PTPRD: variants seen among roughly 807,000 people sequenced by gnomAD.
PTPRD encodes the protein protein tyrosine phosphatase receptor type D.
PTPRD carries 34 observed loss-of-function variants against 214.5 expected under a neutral mutation model. The observed-to-expected ratio is 0.16, with a 90% confidence interval of 0.12 to 0.21. The LOEUF (loss-of-function observed/expected upper bound fraction) is 0.21. PTPRD is among the 10% of genes least tolerant of loss of function. The pLI is 1.00. For missense variants in PTPRD, 2,545 were observed against 2,398.7 expected (o/e 1.06, Z -1.27); for synonymous variants, 1,128 against 845.7 (o/e 1.33, Z -5.79).
chr9:10,066,141 T>C lies in PTPRD; in HGVS notation c.-544-32351A>G, dbSNP rs181633721. Among the ~76,000 whole-genome samples the C allele has an allele frequency of 3.0e-3, 449 of 151,952 alleles. 2 individuals carry two copies. Among genetic ancestry groups the C allele is most frequent in the Non-Finnish European group, 5.2e-3 (350 of 67,896 alleles). ...TGGTCTTTTTGCCAATTCTGCAGGA[T>C]ACTTTTTTTTTATTTTTAAGGCAAC... On this transcript the variant is annotated intron_variant, in intron 3 of 45. Coordinates refer to ENST00000381196, the MANE Select transcript of PTPRD (RefSeq NM_002839.4).
intron 6 of PTPRD, among the ~76,000 whole-genome samples, chr9:9,740,716 T>C (rs980342046): frequency 5.0e-4 from 76 of 152,158 alleles, no homozygotes; most frequent in African/African-American, 1.8e-3. Context: ...AATAGAACCA[T>C]ACCAGTATTT....
intron 8 of PTPRD, among the ~76,000 whole-genome samples, chr9:9,496,610 G>C (rs1384929784): frequency 1.3e-5 from 2 of 152,156 alleles, no homozygotes; most frequent in East Asian, 3.8e-4. Context: ...ACAAGTGTTG[G>C]TGATGATGTG....
chr9:9,408,686 T>C (rs933404684), intron 8 of PTPRD, among the ~76,000 whole-genome samples: 1 of 151,874 alleles, frequency 6.6e-6, no homozygotes, highest in African/African-American at 2.4e-5. Context: ...AGACAGAACA[T>C]TGTTTGAAAA....
At chr9:8,853,648 A>C (rs910840399) in intron 11 of PTPRD, among the ~76,000 whole-genome samples, 4 of 152,244 alleles carry the variant, frequency 2.6e-5, no homozygotes, top group African/African-American at 9.6e-5. Flanking sequence ...CCTTCTAAGC[A>C]ATCTTCTTCC....
At chr9:9,353,979 G>A (rs1323103797) in intron 9 of PTPRD, among the ~76,000 whole-genome samples, 1 of 151,486 alleles carries the variant, frequency 6.6e-6, no homozygotes, top group Admixed American at 6.6e-5. Flanking sequence ...AATGACTGCG[G>A]TCACTCTTTC....
At chr9:9,719,284 A>T (rs2097892071) in intron 7 of PTPRD, among the ~76,000 whole-genome samples, 1 of 152,126 alleles carries the variant, frequency 6.6e-6, no homozygotes, top group African/African-American at 2.4e-5. Context: ...TTCAACCTCC[A>T]GTTGTCCACA....
At chr9:10,592,847 C>A (rs143300427) in intron 2 of PTPRD, among the ~76,000 whole-genome samples, 1 of 151,878 alleles carries the variant, frequency 6.6e-6, no homozygotes, top group Non-Finnish European at 1.5e-5. Context: ...AGGACAGAAA[C>A]GGAACATGGG....
intron 11 of PTPRD, among the ~76,000 whole-genome samples, chr9:8,943,390 C>T (rs1011553049): frequency 2.0e-5 from 3 of 151,744 alleles, no homozygotes; most frequent in South Asian, 4.1e-4. Context: ...CAGAGCTATA[C>T]TAGCCAAAAC....
At chr9:10,019,650 C>T (rs187644049) in intron 4 of PTPRD, among the ~76,000 whole-genome samples, 6 of 152,188 alleles carry the variant, frequency 3.9e-5, no homozygotes, top group East Asian at 3.9e-4. Context: ...AGCTGGAAAC[C>T]GTCATTCTCA....
In PTPRD at chr9:8,378,022, T is replaced by C. The variant is rs1303359432; in HGVS notation, c.4387-1296A>G. The stretch of plus-strand genomic sequence containing the variant: ...AAAAAAGAAAAGCACTTTATAGCTA[T>C]ACAGTAAGCTAGATATTAAATTCAC... On this transcript the variant is annotated intron_variant, in intron 37 of 45. Transcript: ENST00000381196. Among the ~76,000 whole-genome samples, 3 of 152,110 alleles carry C rather than the reference T, an allele frequency of 2.0e-5. 1 individual carries two copies. The highest frequency in any genetic ancestry group is 7.2e-5 in the African/African-American group (3 of 41,432).
chr9:9,381,426 T>A lies in PTPRD; in HGVS notation c.-203+16023A>T, dbSNP rs2062204985. On this transcript the variant is annotated intron_variant, in intron 9 of 45. Transcript: ENST00000381196. ...ACCCGGCTGGAGTGCAGTGGCATAA[T>A]CACAGCTCACTGCAGTCTTGACCTC... Among the ~76,000 whole-genome samples, 3 of 149,662 alleles carry A rather than the reference T, an allele frequency of 2.0e-5. No homozygotes were observed. The Admixed American group carries it at 2.0e-4, about 10-fold the overall frequency.
chr9:9,540,240 C>A (rs1252340703), intron 8 of PTPRD, among the ~76,000 whole-genome samples: 2 of 142,474 alleles, frequency 1.4e-5, no homozygotes, highest in African/African-American at 5.3e-5. Flanking sequence ...ATGTTACTCA[C>A]ACAGTCATTC....
At chr9:8,571,448 T>A (rs776427125) in intron 14 of PTPRD, among the ~76,000 whole-genome samples, 3 of 152,128 alleles carry the variant, frequency 2.0e-5, no homozygotes, top group Admixed American at 6.5e-5. Flanking sequence ...AAGTTTGGCA[T>A]GCAGAACACC....
At chr9:9,473,450 C>A (rs1352873632) in intron 8 of PTPRD, among the ~76,000 whole-genome samples, 2 of 152,074 alleles carry the variant, frequency 1.3e-5, no homozygotes, top group African/African-American at 4.8e-5. Flanking sequence ...GCAGGTATCT[C>A]TTTGATATAT....
chr9:9,477,400 T>C (rs767563080), intron 8 of PTPRD, among the ~76,000 whole-genome samples: 18 of 152,286 alleles, frequency 1.2e-4, no homozygotes, highest in Non-Finnish European at 1.9e-4. Flanking sequence ...TGAAGGTAAA[T>C]TGAGGCATTA....
At chr9:8,912,417 T>C (rs914456403) in intron 11 of PTPRD, among the ~76,000 whole-genome samples, 2 of 152,054 alleles carry the variant, frequency 1.3e-5, no homozygotes, top group African/African-American at 4.8e-5. Context: ...ATACTACACA[T>C]TGTATGACTC....
At chr9:9,741,371 A>T (rs1472602869) in intron 6 of PTPRD, among the ~76,000 whole-genome samples, 1 of 152,190 alleles carries the variant, frequency 6.6e-6, no homozygotes, top group Non-Finnish European at 1.5e-5. Context: ...TTTTTTTACA[A>T]GGAGTAGTAT....
chr9:10,224,534 A>G (rs1371637789), intron 3 of PTPRD, among the ~76,000 whole-genome samples: 1 of 152,064 alleles, frequency 6.6e-6, no homozygotes, highest in African/African-American at 2.4e-5. Flanking sequence ...CTACTTAAAC[A>G]CTTAAGGTAT....
chr9:8,743,069 G>GAACA (rs2092283476), intron 11 of PTPRD, among the ~76,000 whole-genome samples: 1 of 131,382 alleles, frequency 7.6e-6, no homozygotes, highest in Non-Finnish European at 1.6e-5. Flanking sequence ...CCCTGTCCTA[G>GAACA]AACAGCTCAT....
Sources: allele counts gnomAD v4.1 joint callset (sites outside exome capture counted in the v4.1 genomes callset), GRCh38; gene constraint gnomAD v4.1.1; transcripts MANE v1.5; gene names NCBI Gene and HGNC (gene_info 2026-07-23, HGNC 2026-07-21).